TENM3: variants seen among roughly 807,000 people sequenced by gnomAD.
TENM3 encodes teneurin transmembrane protein 3.
TENM3 carries 63 observed loss-of-function variants against 255.1 expected under a neutral mutation model. The ratio of observed to expected loss-of-function variants is 0.25; its 90% CI spans 0.20 to 0.30. TENM3 has a LOEUF of 0.30. TENM3 is among the 10% of genes least tolerant of loss of function. The pLI, the probability that TENM3 is intolerant of heterozygous loss-of-function variation, is 1.00. For missense variants in TENM3, 2,929 were observed against 3,461.1 expected (o/e 0.85, Z 3.86); for synonymous variants, 1,306 against 1,322.3 (o/e 0.99, Z 0.27).
the TENM3 span, among the ~76,000 whole-genome samples, chr4:181,829,761 C>A: frequency 6.6e-6 from 1 of 152,190 alleles, no homozygotes; most frequent in African/African-American, 2.4e-5. Context: ...AGGAGCAAGC[C>A]TCCAGCAGTG....
Position 182,671,110 on chromosome 4 carries a change from C to T in TENM3, c.1112-1895C>T, listed in dbSNP as rs375656834. Among the ~76,000 whole-genome samples the T allele has an allele frequency of 2.9e-4, 44 of 152,256 alleles. No individual in the cohort carries two copies. In the East Asian group the frequency reaches 3.3e-3, roughly 11 times the overall value. On this transcript the variant is annotated intron_variant, in intron 6 of 27. Coordinates refer to ENST00000511685, the MANE Select transcript of TENM3 (RefSeq NM_001080477.4). The stretch of plus-strand genomic sequence containing the variant: ...CCAACCTTATCCCGCATCCCTCCCA[C>T]GACAAACCCATTCAGTACCTCCTGA...
chr4:181,888,494 G>GTATATATATGTATATGTATATA, the TENM3 span, among the ~76,000 whole-genome samples: 1 of 28,242 alleles, frequency 3.5e-5, no homozygotes, highest in African/African-American at 1.7e-4. Flanking sequence ...ATAGAAATGT[G>GTATATATATGTATATGTATATA]TATATATATA....
At position 182,566,568 on chromosome 4, in the gene TENM3, G is replaced by A. The variant is rs544278318; in HGVS notation, c.512-34356G>A. On this transcript the variant is annotated intron_variant, in intron 3 of 27. Transcript: ENST00000511685. The stretch of plus-strand genomic sequence containing the variant: ...GATCACAATACTGAATTATGCCAGT[G>A]TTGTGTTTATTGTTTCTCTCTTCCA... Among the ~76,000 whole-genome samples, 3 of 152,324 alleles carry A rather than the reference G, an allele frequency of 2.0e-5. No homozygotes were observed. The South Asian group carries it at 6.2e-4, about 32-fold the overall frequency.
intron 11 of TENM3, among the ~76,000 whole-genome samples, chr4:182,687,279 T>C (rs989704426): frequency 6.6e-6 from 1 of 152,204 alleles, no homozygotes; most frequent in Non-Finnish European, 1.5e-5. Flanking sequence ...TTTAATCTTA[T>C]ATGTAAAAAT....
At chr4:182,233,283 C>T (rs532574045) in intron 1 of TENM3, among the ~76,000 whole-genome samples, 14 of 152,318 alleles carry the variant, frequency 9.2e-5, no homozygotes, top group African/African-American at 2.2e-4. Flanking sequence ...CCTGGATAGA[C>T]GTCCACACAT....
the TENM3 span, among the ~76,000 whole-genome samples, chr4:181,670,872 A>C: frequency 6.6e-6 from 1 of 152,218 alleles, no homozygotes; most frequent in African/African-American, 2.4e-5. Context: ...TTACAAAAAA[A>C]TCTAAACAGC....
the TENM3 span, among the ~76,000 whole-genome samples, chr4:182,113,177 G>A: frequency 1.3e-5 from 2 of 152,234 alleles, no homozygotes; most frequent in East Asian, 3.9e-4. Flanking sequence ...TTATCTGGAA[G>A]TGACTTGTGC....
At chr4:181,759,399 T>G in the TENM3 span, among the ~76,000 whole-genome samples, 1,780 of 152,058 alleles carry the variant, frequency 0.012, 19 homozygotes, top group Middle Eastern at 0.058. Flanking sequence ...TTTGAAAGTA[T>G]AAGGATAAAC....
the TENM3 span, among the ~76,000 whole-genome samples, chr4:181,931,061 A>C: frequency 1.3e-5 from 2 of 152,232 alleles, no homozygotes; most frequent in Non-Finnish European, 2.9e-5. Context: ...CCAATATCAT[A>C]CTGAGTGGGC....
the TENM3 span, among the ~76,000 whole-genome samples, chr4:181,878,510 T>C: frequency 6.6e-6 from 1 of 152,154 alleles, no homozygotes; most frequent in Non-Finnish European, 1.5e-5. Context: ...TTGGTTATGA[T>C]CTTCAGTGTT....
At chr4:182,765,144 T>C (rs1371747109) in intron 22 of TENM3, among the ~76,000 whole-genome samples, 1 of 145,316 alleles carries the variant, frequency 6.9e-6, no homozygotes, top group Non-Finnish European at 1.5e-5. Context: ...TAAAAAAAAA[T>C]GTCTGATTGG....
At chr4:181,805,249 G>A in the TENM3 span, among the ~76,000 whole-genome samples, 1 of 151,834 alleles carries the variant, frequency 6.6e-6, no homozygotes, top group Non-Finnish European at 1.5e-5. Context: ...TAACCTTCAC[G>A]CAAAACCGTT....
At chr4:182,700,083 C>A (rs1184889972) in intron 12 of TENM3, among the ~76,000 whole-genome samples, 1 of 152,118 alleles carries the variant, frequency 6.6e-6, no homozygotes, top group Non-Finnish European at 1.5e-5. Flanking sequence ...CTCTCGAGTT[C>A]CAGATTATAA....
At chr4:182,259,214 T>A (rs1758626081) in intron 1 of TENM3, among the ~76,000 whole-genome samples, 2 of 152,222 alleles carry the variant, frequency 1.3e-5, no homozygotes. Flanking sequence ...GATCTGACTG[T>A]GTTACTTAGC....
At chr4:181,596,798 G>A in the TENM3 span, among the ~76,000 whole-genome samples, 1 of 152,094 alleles carries the variant, frequency 6.6e-6, no homozygotes, top group African/African-American at 2.4e-5. Context: ...GGATGGAGCT[G>A]GAAGCCATTA....
chr4:182,741,505 G>A (rs1469885500), intron 18 of TENM3, among the ~76,000 whole-genome samples: 2 of 152,180 alleles, frequency 1.3e-5, no homozygotes, highest in East Asian at 1.9e-4. Context: ...AGGGCCAATC[G>A]TTCAAAGTAA....
chr4:182,231,379 G>A (rs539892594), intron 1 of TENM3, among the ~76,000 whole-genome samples: 6 of 152,196 alleles, frequency 3.9e-5, no homozygotes, highest in South Asian at 4.2e-4. Flanking sequence ...AAAGGAACGC[G>A]TAGAGGTATT....
chr4:181,576,636 G>A, the TENM3 span, among the ~76,000 whole-genome samples: 13 of 152,040 alleles, frequency 8.6e-5, no homozygotes, highest in African/African-American at 2.9e-4. Context: ...CAGAACCACA[G>A]GAAGGAAGGA....
the TENM3 span, among the ~76,000 whole-genome samples, chr4:181,822,041 C>A: frequency 3.1e-3 from 467 of 152,264 alleles, 5 homozygotes; most frequent in African/African-American, 0.01. Flanking sequence ...GAGAGCTTTT[C>A]TTTGGTAAAT....
Sources: allele counts gnomAD v4.1 joint callset (sites outside exome capture counted in the v4.1 genomes callset), GRCh38; gene constraint gnomAD v4.1.1; transcripts MANE v1.5; gene names NCBI Gene and HGNC (gene_info 2026-07-23, HGNC 2026-07-21).